RAC1: variants seen among roughly 807,000 people sequenced by gnomAD.
The protein encoded by RAC1 is ras-related C3 botulinum toxin substrate 1.
RAC1 carries 2 observed loss-of-function variants against 25.2 expected under a neutral mutation model. The ratio of observed to expected loss-of-function variants is 0.08; its 90% CI spans 0.03 to 0.25. The LOEUF (loss-of-function observed/expected upper bound fraction) is 0.25, where lower values mean the gene tolerates loss of function less well. RAC1 is among the 10% of genes least tolerant of loss of function. The pLI is 1.00. For synonymous variants in RAC1, 88 were observed against 94.0 expected, an observed-to-expected ratio of 0.94 and a Z score of 0.37; for missense variants, 50 against 235.7, an observed-to-expected ratio of 0.21 and a Z score of 5.16.
At chr7:6,383,988 T>C (rs1441575273) in intron 1 of RAC1, among the ~76,000 whole-genome samples, 1 of 150,922 alleles carries the variant, frequency 6.6e-6, no homozygotes, top group Non-Finnish European at 1.5e-5. Flanking sequence ...TAGAGAGGGG[T>C]TTCTCCATGT....
Position 6,398,523 on chromosome 7 carries a change from T to G in RAC1, c.226-1603T>G, listed in dbSNP as rs894216665. 6 of 670,858 alleles carry G rather than the reference T, an allele frequency of 8.9e-6. No homozygotes were observed. In the Admixed American group the frequency reaches 1.2e-4, roughly 13 times the overall value. 41.6% of individuals were successfully genotyped at this position (670,858 alleles called of 1,614,324 possible). A position where few individuals can be genotyped will look rare whatever the true frequency, so the allele number is the denominator to read the frequency against. On this transcript the variant is annotated intron_variant, in intron 3 of 5. Coordinates refer to ENST00000348035, the MANE Select transcript of RAC1 (RefSeq NM_006908.5). Reference sequence around the variant, plus strand: ...TCAGTGGCATTTGTCATCGAAGATATGTTAGAATCTATTGTATGCTTTTGG... The same window carrying G: ...TCAGTGGCATTTGTCATCGAAGATAGGTTAGAATCTATTGTATGCTTTTGG...
chr7:6,382,101 C>T (rs932693679), intron 1 of RAC1, among the ~76,000 whole-genome samples: 2 of 152,110 alleles, frequency 1.3e-5, no homozygotes, highest in Non-Finnish European at 2.9e-5. Context: ...TCAAGCGATA[C>T]TTCTGCCTCA....
At chr7:6,383,782 A>ATCTTTTT (rs1782839335) in intron 1 of RAC1, among the ~76,000 whole-genome samples, 1 of 50,288 alleles carries the variant, frequency 2.0e-5, no homozygotes, top group Non-Finnish European at 4.1e-5. Flanking sequence ...CACAACCTTT[A>ATCTTTTT]TCTTTTTTTT....
chr7:6,377,324 G>A (rs906450980), intron 1 of RAC1, among the ~76,000 whole-genome samples: 1 of 152,098 alleles, frequency 6.6e-6, no homozygotes, highest in Non-Finnish European at 1.5e-5. Flanking sequence ...GCCAGGTCAG[G>A]TGGCTCACAC....
intron 2 of RAC1, among the ~76,000 whole-genome samples, chr7:6,387,632 G>A (rs1309102461): frequency 2.0e-5 from 3 of 151,930 alleles, no homozygotes; most frequent in Non-Finnish European, 4.4e-5. Context: ...GGCTGAGGCA[G>A]GAGAATCACT....
chr7:6,375,682 T>TA lies in RAC1; in HGVS notation c.35+915dup, dbSNP rs765329937. 2.8e-3 allele frequency among the ~76,000 whole-genome samples: 417 copies of TA among 151,094 alleles called. 4 individuals carry two copies. The highest frequency in any genetic ancestry group is 0.014 in the Admixed American group (208 of 15,144). ...CTTTTCTTTCTTTCTTTTTTTTTTTTAAACAACGTGGTGTGGTCATTGACA... is the reference window on the plus strand; with the variant it reads ...CTTTTCTTTCTTTCTTTTTTTTTTTTAAAACAACGTGGTGTGGTCATTGACA... On this transcript the variant is annotated intron_variant, in intron 1 of 5. Transcript: ENST00000348035.
At chr7:6,393,994 G>T (rs1783159234) in intron 3 of RAC1, among the ~76,000 whole-genome samples, 1 of 152,118 alleles carries the variant, frequency 6.6e-6, no homozygotes, top group South Asian at 2.1e-4. Context: ...CTGGCACCTG[G>T]GTCTCTTGTT....
intron 1 of RAC1, among the ~76,000 whole-genome samples, chr7:6,384,493 T>C (rs780396543): frequency 1.3e-5 from 2 of 152,194 alleles, no homozygotes; most frequent in South Asian, 4.1e-4. Context: ...ATTTTTTTAT[T>C]GTTGAGATGG....
In RAC1 at chr7:6,402,738, T is replaced by G. The variant is rs1402205304; in HGVS notation, c.*292T>G. 1 of 277,098 alleles carries G rather than the reference T, an allele frequency of 3.6e-6. No homozygotes were observed. The highest frequency in any genetic ancestry group is 6.8e-6 in the Non-Finnish European group (1 of 146,626). 17.2% of individuals were successfully genotyped at this position (277,098 alleles called of 1,614,324 possible). ...TTTTTCAAAAGCGCCCCCCCCATTCTTGTTCAGATTAAGAGTTGCCAAAAT... is the reference window on the plus strand; with the variant it reads ...TTTTTCAAAAGCGCCCCCCCCATTCGTGTTCAGATTAAGAGTTGCCAAAAT... On this transcript the variant is annotated 3_prime_UTR_variant, in exon 6 of 6. Transcript: ENST00000348035.
Position 6,391,948 on chromosome 7 carries a change from T to C in RAC1, c.132T>C (p.Val44=), listed in dbSNP as rs1330679154. 4 of 1,614,066 alleles carry C rather than the reference T, an allele frequency of 2.5e-6. No individual in the cohort carries two copies. Reference sequence around the variant, plus strand: ...GCTTTGACAATTATTCTGCCAATGTTATGGTAGATGGAAAACCGGTGAATC... The same window carrying C: ...GCTTTGACAATTATTCTGCCAATGTCATGGTAGATGGAAAACCGGTGAATC... ...PTVFDNYSAN[V]MVDGKPVNLG... Residue 44 remains valine, a synonymous_variant, in exon 3 of 6, where the codon GTT becomes GTC. Transcript: ENST00000348035.
intron 4 of RAC1, among the ~76,000 whole-genome samples, chr7:6,400,964 C>T (rs1351398525): frequency 2.0e-5 from 3 of 151,336 alleles, no homozygotes; most frequent in Admixed American, 6.6e-5. Flanking sequence ...CGTGGGCCAC[C>T]GTGCCCGGCT....
Position 6,387,257 on chromosome 7 carries a change from A to G in RAC1, c.81A>G (p.Ala27=), listed in dbSNP as rs1357653249. The change falls in exon 2 of 6, where the codon GCA becomes GCG. Residue 27 remains alanine, a synonymous_variant. Coordinates refer to ENST00000348035, the MANE Select transcript of RAC1 (RefSeq NM_006908.5). ...TACTGATCAGTTACACAACCAATGC[A>G]TTTCCTGGAGAATATATCCCTACTG... ...TCLLISYTTN[A]FPGEYIPTVF... is the part of the protein sequence containing the mutation. 4 of 1,566,690 alleles carry G rather than the reference A, an allele frequency of 2.6e-6. No individual in the cohort carries two copies. Among genetic ancestry groups the G allele is most frequent in the Non-Finnish European group, 3.4e-6 (4 of 1,161,024 alleles).
intron 2 of RAC1, chr7:6,391,625 G>T (rs35530051): frequency 0.098 from 35,633 of 362,588 alleles, 2,172 homozygotes; most frequent in African/African-American, 0.19. Context: ...TTTCTTCTGG[G>T]GATAAAAGTC....
chr7:6,376,498 T>TC (rs952378989), intron 1 of RAC1, among the ~76,000 whole-genome samples: 2 of 140,640 alleles, frequency 1.4e-5, no homozygotes, highest in African/African-American at 5.9e-5. Flanking sequence ...TTTTTTTTTT[T>TC]TTCTTTTCTT....
chr7:6,384,363 GCTT>G (rs1428195048), intron 1 of RAC1, among the ~76,000 whole-genome samples: 3 of 152,304 alleles, frequency 2.0e-5, no homozygotes, highest in Non-Finnish European at 2.9e-5. Context: ...GCAGTTGGAG[GCTT>G]CTTCTAAAAT....
chr7:6,386,611 A>G (rs368117120), intron 1 of RAC1, among the ~76,000 whole-genome samples: 1 of 151,810 alleles, frequency 6.6e-6, no homozygotes, highest in Non-Finnish European at 1.5e-5. Context: ...GCGAAAACCC[A>G]TCTCTACTAA....
At chr7:6,375,298 C>T (rs1749590467) in intron 1 of RAC1, among the ~76,000 whole-genome samples, 1 of 152,022 alleles carries the variant, frequency 6.6e-6, no homozygotes. Context: ...CTGTGTTGCC[C>T]AGGCCGGTCT....
At chr7:6,386,522 C>T (rs1355285468) in intron 1 of RAC1, among the ~76,000 whole-genome samples, 1 of 152,034 alleles carries the variant, frequency 6.6e-6, no homozygotes, top group African/African-American at 2.4e-5. Flanking sequence ...TGGCTCCAGC[C>T]TGTAATCCCA....
intron 1 of RAC1, among the ~76,000 whole-genome samples, chr7:6,378,771 A>G (rs879250789): frequency 2.0e-5 from 3 of 151,364 alleles, no homozygotes; most frequent in Admixed American, 1.3e-4. Context: ...TTGCCCCAAG[A>G]TTTTCTCTCA....
Sources: allele counts gnomAD v4.1 joint callset (sites outside exome capture counted in the v4.1 genomes callset), GRCh38; gene constraint gnomAD v4.1.1; transcripts MANE v1.5; gene names NCBI Gene and HGNC (gene_info 2026-07-23, HGNC 2026-07-21).